RUNDC3B: variants seen among roughly 807,000 people sequenced by gnomAD.
RUNDC3B encodes the protein RUN domain containing 3B, also known as RUN domain-containing protein 3B.
A neutral mutation model predicts 58.4 loss-of-function variants in RUNDC3B; 33 were observed. The observed-to-expected ratio is 0.56, with a 90% CI of 0.43 to 0.75. The LOEUF (loss-of-function observed/expected upper bound fraction) is 0.75, where lower values mean the gene tolerates loss of function less well. RUNDC3B is among the 30% of genes least tolerant of loss of function. The probability of loss-of-function intolerance (pLI) is 0.00; values close to 1 mark genes in which losing one functional copy is unlikely to be tolerated. For missense variants in RUNDC3B, 501 were observed against 535.7 expected (o/e 0.94, Z 0.64); for synonymous variants, 193 against 195.2 (o/e 0.99, Z 0.10).
At chr7:87,802,912 GA>G (rs1385555193) in intron 8 of RUNDC3B, among the ~76,000 whole-genome samples, 1 of 152,054 alleles carries the variant, frequency 6.6e-6, no homozygotes, top group East Asian at 1.9e-4. Flanking sequence ...TTGACCCTGG[GA>G]ATTTGAGTTT....
chr7:87,787,343 C>T (rs547363182), intron 8 of RUNDC3B, among the ~76,000 whole-genome samples: 1 of 151,934 alleles, frequency 6.6e-6, no homozygotes, highest in African/African-American at 2.4e-5. Context: ...TAAAAGTAGC[C>T]CTCAGAAAAT....
chr7:87,642,095 T>A (rs980598858), intron 1 of RUNDC3B, among the ~76,000 whole-genome samples: 1 of 151,784 alleles, frequency 6.6e-6, no homozygotes, highest in African/African-American at 2.4e-5. Flanking sequence ...AAATTTTAAT[T>A]ATAATAATTT....
At chr7:87,664,789 G>A (rs1292324145) in intron 2 of RUNDC3B, among the ~76,000 whole-genome samples, 1 of 152,098 alleles carries the variant, frequency 6.6e-6, no homozygotes, top group East Asian at 1.9e-4. Context: ...AGAGGAGGAA[G>A]AGATTAATAT....
At chr7:87,652,903 T>C (rs554844348) in intron 2 of RUNDC3B, among the ~76,000 whole-genome samples, 1 of 152,006 alleles carries the variant, frequency 6.6e-6, no homozygotes, top group Non-Finnish European at 1.5e-5. Flanking sequence ...TTCTAAGATC[T>C]ACTTTTCTAC....
intron 8 of RUNDC3B, among the ~76,000 whole-genome samples, chr7:87,800,519 T>C (rs1446339450): frequency 6.6e-6 from 1 of 152,226 alleles, no homozygotes; most frequent in African/African-American, 2.4e-5. Flanking sequence ...AGAAGTGGGA[T>C]GGCTGGATCA....
intron 4 of RUNDC3B, among the ~76,000 whole-genome samples, chr7:87,715,456 T>A (rs1207644563): frequency 8.5e-6 from 1 of 118,256 alleles, no homozygotes; most frequent in Non-Finnish European, 1.9e-5. Flanking sequence ...TATATAATTA[T>A]ATTATATTAA....
At chr7:87,736,280 A>G (rs144196377) in intron 4 of RUNDC3B, among the ~76,000 whole-genome samples, 37 of 152,298 alleles carry the variant, frequency 2.4e-4, no homozygotes, top group African/African-American at 8.4e-4. Flanking sequence ...CACAAAAGGA[A>G]AATTTGAAAC....
rs71524692 is a variant in RUNDC3B, at chr7:87,638,345, T to TTGTGTGTGTGTGTGTGTG, written c.122+9418_122+9435dup. Among the ~76,000 whole-genome samples the TTGTGTGTGTGTGTGTGTG allele has an allele frequency of 2.1e-4, 30 of 144,788 alleles. No homozygotes were observed. In the East Asian group the frequency reaches 3.7e-3, roughly 18 times the overall value. The allele number at this position is 144,788 out of a possible 152,430, so 95.0% of individuals were successfully genotyped here. A position where few individuals can be genotyped will look rare whatever the true frequency, so the allele number is the denominator to read the frequency against. ...ATAAAACAAGTTAGGAAGTATGTGT[T>TTGTGTGTGTGTGTGTGTG]TGTGTGTGTGTGTGTGTGTGTGTGT... On this transcript the variant is annotated intron_variant, in intron 1 of 10. Coordinates refer to ENST00000394654, the MANE Select transcript of RUNDC3B (RefSeq NM_001134405.2).
chr7:87,781,482 C>A (rs576616021), intron 8 of RUNDC3B, among the ~76,000 whole-genome samples: 21 of 152,076 alleles, frequency 1.4e-4, no homozygotes, highest in Admixed American at 1.4e-3. Context: ...TTATTTCTTT[C>A]TTTTTCCTAT....
intron 6 of RUNDC3B, among the ~76,000 whole-genome samples, chr7:87,745,557 A>T (rs979075307): frequency 7.9e-5 from 12 of 152,182 alleles, no homozygotes; most frequent in African/African-American, 2.9e-4. Context: ...GTATTTTTCC[A>T]TGAATTTATC....
chr7:87,822,006 A>C (rs1488689706), intron 10 of RUNDC3B, among the ~76,000 whole-genome samples: 1 of 151,956 alleles, frequency 6.6e-6, no homozygotes, highest in African/African-American at 2.4e-5. Context: ...CTAAAACACC[A>C]AAAGCAATGG....
chr7:87,785,559 G>A (rs1185929583), intron 8 of RUNDC3B, among the ~76,000 whole-genome samples: 7 of 152,294 alleles, frequency 4.6e-5, no homozygotes, highest in Non-Finnish European at 8.8e-5. Flanking sequence ...ACACTCAGGC[G>A]GGGCAGTGCA....
intron 2 of RUNDC3B, among the ~76,000 whole-genome samples, chr7:87,687,000 T>G (rs970796232): frequency 6.6e-6 from 1 of 150,924 alleles, no homozygotes; most frequent in Non-Finnish European, 1.5e-5. Flanking sequence ...ACCAGACAAG[T>G]ATAGACTGTC....
chr7:87,659,479 T>G (rs1231140873), intron 2 of RUNDC3B, among the ~76,000 whole-genome samples: 22 of 152,188 alleles, frequency 1.4e-4, no homozygotes, highest in Non-Finnish European at 1.9e-4. Context: ...TTTATGTCCC[T>G]TTATTCTACC....
At position 87,731,118 on chromosome 7, in the gene RUNDC3B, C is replaced by T. The variant is rs184702843; in HGVS notation, c.459-8673C>T. Among the ~76,000 whole-genome samples the T allele has an allele frequency of 2.8e-3, 424 of 152,028 alleles. 1 individual carries two copies. The highest frequency in any genetic ancestry group is 4.8e-3 in the Non-Finnish European group (325 of 67,990). ...AAAACTTGCCAAGGACATGTATAAA[C>T]AATCCAAGACTGCAAAAATTACAAT... On this transcript the variant is annotated intron_variant, in intron 4 of 10. Transcript: ENST00000394654.
At chr7:87,781,345 A>C (rs1354343265) in intron 8 of RUNDC3B, among the ~76,000 whole-genome samples, 1 of 146,324 alleles carries the variant, frequency 6.8e-6, no homozygotes, top group Admixed American at 6.7e-5. Flanking sequence ...TTATACCCTG[A>C]AACTTTACTG....
intron 2 of RUNDC3B, among the ~76,000 whole-genome samples, chr7:87,680,577 TA>T (rs1307829424): frequency 6.6e-6 from 1 of 150,508 alleles, no homozygotes; most frequent in Non-Finnish European, 1.5e-5. Context: ...TGGATCACCT[TA>T]GGTCAGGAGT....
At chr7:87,632,969 G>A (rs1338171711) in intron 1 of RUNDC3B, among the ~76,000 whole-genome samples, 1 of 152,164 alleles carries the variant, frequency 6.6e-6, no homozygotes, top group Non-Finnish European at 1.5e-5. Flanking sequence ...AATATAAGGA[G>A]TAGTGTGATA....
intron 1 of RUNDC3B, among the ~76,000 whole-genome samples, chr7:87,646,512 C>T (rs970560021): frequency 6.6e-6 from 1 of 152,078 alleles, no homozygotes; most frequent in Non-Finnish European, 1.5e-5. Context: ...ATAATTTTTA[C>T]AAGCAGTAGA....
Sources: gnomAD v4.1 joint callset for allele counts (sites outside exome capture counted in the v4.1 genomes callset) on GRCh38, gnomAD v4.1.1 for gene constraint, MANE v1.5 for transcripts, NCBI Gene and HGNC (gene_info 2026-07-23, HGNC 2026-07-21) for gene names.